APOBEC1: variants seen among roughly 807,000 people sequenced by gnomAD.
APOBEC1 encodes the protein apolipoprotein B mRNA editing enzyme catalytic subunit 1.
Under a neutral mutation model 26.3 loss-of-function variants are expected in APOBEC1, and 22 were observed. That is an observed-to-expected ratio of 0.84 (90% CI 0.60 to 1.19). The LOEUF (loss-of-function observed/expected upper bound fraction) is 1.19. Among genes scored for constraint, APOBEC1 ranks in the 50% most tolerant of loss-of-function variants. The pLI, the probability that APOBEC1 is intolerant of heterozygous loss-of-function variation, is 0.00. For missense variants in APOBEC1, 253 were observed against 289.0 expected (o/e 0.88, Z 0.90); for synonymous variants, 77 against 95.3 (o/e 0.81, Z 1.12).
intron 1 of APOBEC1, among the ~76,000 whole-genome samples, chr12:7,659,630 T>C (rs915089039): frequency 2.0e-5 from 3 of 152,000 alleles, no homozygotes; most frequent in Non-Finnish European, 4.4e-5. Flanking sequence ...GGTACAGCCA[T>C]ACTGGAAAAC....
intron 1 of APOBEC1, among the ~76,000 whole-genome samples, chr12:7,660,363 G>GAAAGAAAAAGAAAGAAAGAAAGAAA (rs1565442332): frequency 3.0e-3 from 21 of 6,916 alleles, no homozygotes; most frequent in African/African-American, 5.2e-3. Context: ...AAGGAAGGAA[G>GAAAGAAAAAGAAAGAAAGAAAGAAA]GAAGGAAGGA....
chr12:7,653,242 T>A (rs983254342), intron 2 of APOBEC1, among the ~76,000 whole-genome samples: 1 of 152,206 alleles, frequency 6.6e-6, no homozygotes, highest in Admixed American at 6.5e-5. Flanking sequence ...TGCTCCCCTC[T>A]TCTATCAGGC....
chr12:7,656,081 C>T (rs75065573), intron 1 of APOBEC1, among the ~76,000 whole-genome samples: 12,804 of 151,944 alleles, frequency 0.084, 1,199 homozygotes, highest in East Asian at 0.36. Flanking sequence ...AAGAGATCCT[C>T]CTGCTTCAGC....
In APOBEC1 at chr12:7,657,577, T is replaced by TAAA. The variant is rs3040824; in HGVS notation, c.17-2948_17-2946dup. Among the ~76,000 whole-genome samples, 860 of 150,256 alleles carry TAAA rather than the reference T, an allele frequency of 5.7e-3. 8 individuals are homozygous for TAAA. Among genetic ancestry groups the TAAA allele is most frequent in the African/African-American group, 0.018 (744 of 41,064 alleles). On this transcript the variant is annotated intron_variant, in intron 1 of 4. Coordinates refer to ENST00000229304, the MANE Select transcript of APOBEC1 (RefSeq NM_001644.5). ...ACAATCAATAACAACAAAACAAAAT[T>TAAA]AAAAAACAAACCAGGCTGTAGGCAG...
Position 7,652,606 on chromosome 12 carries a change from G to C in APOBEC1, c.274C>G (p.Pro92Ala). ...ATAGCCTGGGAGCATTCCCAGCAGG[G>C]ACTCCAGGACAAGAACCAGGTGATG... is the stretch of plus-strand genomic sequence containing the variant. ...CSITWFLSWS[P>A]CWECSQAIRE... Residue 92 changes from proline to alanine, a missense_variant, in exon 3 of 5, where the codon CCC (proline) becomes GCC (alanine). Transcript: ENST00000229304. 6.2e-7 allele frequency: 1 copy of C among 1,614,196 alleles called. No homozygotes were observed. Among genetic ancestry groups the C allele is most frequent in the Non-Finnish European group, 8.5e-7 (1 of 1,180,030 alleles).
At chr12:7,668,675 T>G (rs1222550247), upstream of APOBEC1, among the ~76,000 whole-genome samples, 1 of 152,176 alleles carries the variant, frequency 6.6e-6, no homozygotes, top group Non-Finnish European at 1.5e-5. Context: ...CATACACTTA[T>G]GTAACTACTC....
chr12:7,651,347 G>A (rs1203072524), intron 3 of APOBEC1, among the ~76,000 whole-genome samples: 2 of 152,138 alleles, frequency 1.3e-5, no homozygotes, highest in Non-Finnish European at 2.9e-5. Context: ...TGGGTGCGGT[G>A]GCTCACGCCT....
chr12:7,670,087 G>GCACC (rs1565445136), upstream of APOBEC1, among the ~76,000 whole-genome samples: 8 of 129,576 alleles, frequency 6.2e-5, no homozygotes, highest in African/African-American at 1.2e-4. Flanking sequence ...GGGTTCAGGT[G>GCACC]ATTCTCTTGT....
At chr12:7,652,162 T>C (rs1863652312) in intron 3 of APOBEC1, among the ~76,000 whole-genome samples, 2 of 152,112 alleles carry the variant, frequency 1.3e-5, no homozygotes, top group Non-Finnish European at 1.5e-5. Context: ...CTCACTATGT[T>C]GCCCAGGCTG....
At chr12:7,664,724 G>A (rs1863867872) in intron 1 of APOBEC1, among the ~76,000 whole-genome samples, 1 of 151,976 alleles carries the variant, frequency 6.6e-6, no homozygotes, top group Non-Finnish European at 1.5e-5. Flanking sequence ...AGACCAGCCT[G>A]AGCAATAAAG....
At chr12:7,658,134 G>C (rs1008031407) in intron 1 of APOBEC1, among the ~76,000 whole-genome samples, 1 of 152,076 alleles carries the variant, frequency 6.6e-6, no homozygotes, top group Non-Finnish European at 1.5e-5. Context: ...TGCAATCTTG[G>C]CTCACTGTAA....
At chr12:7,660,701 TAAA>T (rs34455959) in intron 1 of APOBEC1, among the ~76,000 whole-genome samples, 11 of 120,020 alleles carry the variant, frequency 9.2e-5, no homozygotes, top group Admixed American at 1.8e-4. Flanking sequence ...AGATTCCATC[TAAA>T]AAAAAAAAAA....
intron 1 of APOBEC1, among the ~76,000 whole-genome samples, chr12:7,660,410 A>AAGAAAGAAAGAAAGAGAGAGAGAG (rs111744018): frequency 1.2e-5 from 1 of 84,268 alleles, no homozygotes; most frequent in African/African-American, 4.6e-5. Flanking sequence ...GAAAGAAAGA[A>AAGAAAGAAAGAAAGAGAGAGAGAG]AGAGAGGGTA....
At chr12:7,666,242 TTTTA>T (rs1464639961), upstream of APOBEC1, among the ~76,000 whole-genome samples, 2 of 152,114 alleles carry the variant, frequency 1.3e-5, no homozygotes, top group African/African-American at 2.4e-5. Context: ...TTTTGTTTTG[TTTTA>T]TTTATTTATT....
At chr12:7,654,347 A>G (rs1212836810) in intron 2 of APOBEC1, among the ~76,000 whole-genome samples, 1 of 151,020 alleles carries the variant, frequency 6.6e-6, no homozygotes, top group Non-Finnish European at 1.5e-5. Context: ...AAAAGGAACA[A>G]TAAAGAAAGC....
Position 7,649,696 on chromosome 12 carries a change from T to G in APOBEC1, c.562A>C (p.Ser188Arg), listed in dbSNP as rs1042133323. The change falls in exon 5 of 5, where the codon AGT becomes CGT. Residue 188 changes from serine to arginine, a missense_variant and splice_region_variant. Physicochemically the swap from Ser to Arg is moderately radical, Grantham distance 110. Coordinates refer to ENST00000229304, the MANE Select transcript of APOBEC1 (RefSeq NM_001644.5). Reference sequence around the variant, plus strand: ...GAAATCTTTAAACAGGGTGGAAGACTCTGGAATAAAAAAGGATTATATTTA... The same window carrying G: ...GAAATCTTTAAACAGGGTGGAAGACGCTGGAATAAAAAAGGATTATATTTA... ...YALELHCIIL[S>R]LPPCLKISRR... is the part of the protein sequence containing the mutation. The G allele has an allele frequency of 1.9e-6, 3 of 1,603,684 alleles. No homozygotes were observed. The African/African-American group carries it at 4.0e-5, about 21-fold the overall frequency.
intron 1 of APOBEC1, among the ~76,000 whole-genome samples, chr12:7,660,114 G>C (rs1863783784): frequency 1.3e-5 from 2 of 151,674 alleles, no homozygotes; most frequent in Non-Finnish European, 2.9e-5. Context: ...ACTAGCCTGG[G>C]CAACATGGTG....
upstream of APOBEC1, among the ~76,000 whole-genome samples, chr12:7,670,531 G>C (rs1362175511): frequency 7.2e-6 from 1 of 138,858 alleles, no homozygotes; most frequent in Non-Finnish European, 1.6e-5. Flanking sequence ...AAGGCGGGTG[G>C]ATCGCCTGAG....
At chr12:7,667,643 A>G (rs1406665535), upstream of APOBEC1, among the ~76,000 whole-genome samples, 3 of 152,100 alleles carry the variant, frequency 2.0e-5, no homozygotes, top group Non-Finnish European at 4.4e-5. Flanking sequence ...GGCCAGGCGC[A>G]GTGGCTCGCG....
Sources: gnomAD v4.1 joint callset for allele counts (sites outside exome capture counted in the v4.1 genomes callset) on GRCh38, gnomAD v4.1.1 for gene constraint, MANE v1.5 for transcripts, NCBI Gene and HGNC (gene_info 2026-07-23, HGNC 2026-07-21) for gene names.